SOX5: variants seen among roughly 807,000 people sequenced by gnomAD.
The protein encoded by SOX5 is SRY-box transcription factor 5.
A neutral mutation model predicts 92.0 loss-of-function variants in SOX5; 9 were observed. The observed-to-expected ratio is 0.10, with a 90% CI of 0.06 to 0.17. SOX5 has a LOEUF of 0.17. Ranked by LOEUF, SOX5 falls within the 10% of genes least tolerant of loss-of-function variation. SOX5 has a pLI of 1.00. For synonymous variants in SOX5, 344 were observed against 336.3 expected, an observed-to-expected ratio of 1.02 and a Z score of -0.25; for missense variants, 642 against 944.5, an observed-to-expected ratio of 0.68 and a Z score of 4.20.
At chr12:24,478,367 G>C (rs1404503847) in intron 1 of SOX5, among the ~76,000 whole-genome samples, 1 of 152,158 alleles carries the variant, frequency 6.6e-6, no homozygotes, top group Non-Finnish European at 1.5e-5. Context: ...TGAAAGAAGA[G>C]AGACAAAAGT....
At chr12:23,790,176 A>T (rs1385137761) in intron 3 of SOX5, among the ~76,000 whole-genome samples, 1 of 152,146 alleles carries the variant, frequency 6.6e-6, no homozygotes, top group Non-Finnish European at 1.5e-5. Flanking sequence ...AAATAGAACA[A>T]CATTTGCTTT....
intron 2 of SOX5, among the ~76,000 whole-genome samples, chr12:24,357,589 T>A (rs11047390): frequency 1.3e-5 from 2 of 152,054 alleles, no homozygotes; most frequent in African/African-American, 4.8e-5. Flanking sequence ...ACACCTGTAA[T>A]CCTAGCACTT....
At chr12:23,766,133 T>C (rs2094718811) in intron 3 of SOX5, among the ~76,000 whole-genome samples, 1 of 152,198 alleles carries the variant, frequency 6.6e-6, no homozygotes. Flanking sequence ...TATAGCAGTA[T>C]TCCCATAAAG....
chr12:23,815,370 G>A (rs1385501680), intron 3 of SOX5, among the ~76,000 whole-genome samples: 1 of 152,068 alleles, frequency 6.6e-6, no homozygotes, highest in East Asian at 1.9e-4. Flanking sequence ...CTTACAACAC[G>A]AGATCTTCTA....
At chr12:23,701,125 T>G (rs2090573609) in intron 6 of SOX5, among the ~76,000 whole-genome samples, 1 of 152,012 alleles carries the variant, frequency 6.6e-6, no homozygotes, top group Admixed American at 6.6e-5. Context: ...GAAATTTGAG[T>G]TGGCTTATTT....
chr12:24,436,675 G>C (rs981684483), intron 1 of SOX5, among the ~76,000 whole-genome samples: 1 of 151,996 alleles, frequency 6.6e-6, no homozygotes, highest in African/African-American at 2.4e-5. Flanking sequence ...TGATGACGGG[G>C]GCTACACTAC....
At chr12:23,677,286 AT>A (rs1180031583) in intron 6 of SOX5, among the ~76,000 whole-genome samples, 1 of 152,184 alleles carries the variant, frequency 6.6e-6, no homozygotes, top group Non-Finnish European at 1.5e-5. Flanking sequence ...ATAAAAACTT[AT>A]GTGTCCTTAA....
At chr12:24,163,113 T>G (rs1449655341) in intron 4 of SOX5, among the ~76,000 whole-genome samples, 1 of 152,106 alleles carries the variant, frequency 6.6e-6, no homozygotes, top group Non-Finnish European at 1.5e-5. Context: ...TAATTTCACT[T>G]AAGTGCAAAT....
chr12:24,142,060 G>A (rs1950636361), intron 4 of SOX5, among the ~76,000 whole-genome samples: 1 of 151,992 alleles, frequency 6.6e-6, no homozygotes. Context: ...CCTTTTAAAT[G>A]GAATTTTGGA....
intron 10 of SOX5, among the ~76,000 whole-genome samples, chr12:23,566,022 C>A (rs1008552466): frequency 2.6e-5 from 4 of 152,142 alleles, no homozygotes; most frequent in African/African-American, 7.2e-5. Context: ...CCATTTATGC[C>A]TATTTTGCTC....
chr12:24,005,986 G>A lies in SOX5; in HGVS notation c.-1-109962C>T, dbSNP rs368341487. The stretch of plus-strand genomic sequence containing the variant: ...TAGTGCTTGAACCTTCAATCTGCAC[G>A]TAGAATAGTTTTTGCATTGATACCC... On this transcript the variant is annotated intron_variant, in intron 4 of 4. Transcript: ENST00000446891. Among the ~76,000 whole-genome samples, 12 of 152,244 alleles carry A rather than the reference G, an allele frequency of 7.9e-5. No homozygotes were observed. In the East Asian group the frequency reaches 1.4e-3, roughly 17 times the overall value.
chr12:24,096,963 T>C (rs753170160), intron 4 of SOX5, among the ~76,000 whole-genome samples: 4 of 152,304 alleles, frequency 2.6e-5, no homozygotes, highest in African/African-American at 7.2e-5. Context: ...CTGTTTTCTA[T>C]AGCGGTTGCA....
chr12:24,360,488 G>C (rs1309682548), intron 2 of SOX5, among the ~76,000 whole-genome samples: 1 of 152,114 alleles, frequency 6.6e-6, no homozygotes, highest in Non-Finnish European at 1.5e-5. Flanking sequence ...CATGGCACTA[G>C]GTAACTGAAC....
At chr12:24,518,773 T>G (rs771093145) in intron 1 of SOX5, among the ~76,000 whole-genome samples, 2 of 152,236 alleles carry the variant, frequency 1.3e-5, no homozygotes, top group Non-Finnish European at 2.9e-5. Flanking sequence ...GTTAATCATC[T>G]GTCAATTTCA....
At chr12:24,302,979 C>T (rs945765234) in intron 2 of SOX5, among the ~76,000 whole-genome samples, 6 of 152,014 alleles carry the variant, frequency 3.9e-5, no homozygotes, top group Non-Finnish European at 2.9e-5. Context: ...AATGCACACT[C>T]AAAAAATTGC....
At chr12:23,738,786 C>G (rs1230915055) in intron 5 of SOX5, among the ~76,000 whole-genome samples, 1 of 152,054 alleles carries the variant, frequency 6.6e-6, no homozygotes, top group Non-Finnish European at 1.5e-5. Context: ...TAGGATTCTC[C>G]AGAATTCAGT....
At chr12:24,137,086 T>A (rs906424569) in intron 4 of SOX5, among the ~76,000 whole-genome samples, 2 of 152,250 alleles carry the variant, frequency 1.3e-5, no homozygotes, top group Non-Finnish European at 2.9e-5. Context: ...ATATTTCACA[T>A]GTTCATGATC....
intron 4 of SOX5, among the ~76,000 whole-genome samples, chr12:24,016,469 GA>G (rs1953621986): frequency 6.6e-6 from 1 of 152,150 alleles, no homozygotes; most frequent in South Asian, 2.1e-4. Flanking sequence ...GCCAGGGACA[GA>G]AAAAGCATTA....
intron 4 of SOX5, among the ~76,000 whole-genome samples, chr12:24,209,324 C>T (rs1958347090): frequency 6.6e-6 from 1 of 152,122 alleles, no homozygotes; most frequent in South Asian, 2.1e-4. Context: ...TGGAAGTAGG[C>T]ATGCCCTCTC....
Sources: allele counts gnomAD v4.1 joint callset (sites outside exome capture counted in the v4.1 genomes callset), GRCh38; gene constraint gnomAD v4.1.1; transcripts MANE v1.5; gene names NCBI Gene and HGNC (gene_info 2026-07-23, HGNC 2026-07-21).